Variants in NSD1 observed in about 807,000 individuals in gnomAD.
NSD1 encodes histone-lysine N-methyltransferase, H3 lysine-36 specific.
A neutral mutation model predicts 242.7 loss-of-function variants in NSD1; 26 were observed. The ratio of observed to expected loss-of-function variants is 0.11; its 90% CI spans 0.08 to 0.15. The LOEUF (loss-of-function observed/expected upper bound fraction) is 0.15. NSD1 is among the 10% of genes least tolerant of loss of function. NSD1 has a pLI of 1.00. For missense variants in NSD1, 2,495 were observed against 3,272.8 expected (o/e 0.76, Z 5.80); for synonymous variants, 1,106 against 1,178.1 (o/e 0.94, Z 1.25).
chr5:177,213,798 A>G (rs1581334050), intron 5 of NSD1, among the ~76,000 whole-genome samples: 1 of 152,170 alleles, frequency 6.6e-6, no homozygotes, highest in East Asian at 1.9e-4. Context: ...CAATCTGTAG[A>G]TTTGTCTATT....
At chr5:177,166,375 G>A (rs981272259) in intron 2 of NSD1, among the ~76,000 whole-genome samples, 3 of 151,792 alleles carry the variant, frequency 2.0e-5, no homozygotes, top group Admixed American at 6.6e-5. Context: ...TGGAAAAACC[G>A]TGTCTCTACA....
chr5:177,241,427 C>G (rs894061375), intron 8 of NSD1, among the ~76,000 whole-genome samples: 1 of 151,678 alleles, frequency 6.6e-6, no homozygotes, highest in African/African-American at 2.4e-5. Context: ...ATTGCTGGAA[C>G]CTGGGAGGCA....
chr5:177,265,077 C>A, intron 14 of NSD1: 1 of 754,508 alleles, frequency 1.3e-6, no homozygotes, highest in Non-Finnish European at 2.4e-6. Context: ...AGATAGCTTC[C>A]TGAAACATGT....
intron 17 of NSD1, 138 bp downstream of exon 17, chr5:177,273,922 A>G: frequency 1.5e-6 from 1 of 646,444 alleles, no homozygotes; most frequent in Non-Finnish European, 2.8e-6. Context: ...AAGATCAGAA[A>G]TAGCCGGGCA....
At chr5:177,255,501 A>G in intron 12 of NSD1, among the ~76,000 whole-genome samples, 1 of 152,138 alleles carries the variant, frequency 6.6e-6, no homozygotes, top group East Asian at 1.9e-4. Context: ...TTACCTGTCA[A>G]GCTTAGGCTC....
At position 177,182,984 on chromosome 5, in the gene NSD1, C is replaced by G. The variant is rs115361784; in HGVS notation, c.928-8900C>G. Among the ~76,000 whole-genome samples the G allele has an allele frequency of 5.4e-3, 823 of 152,140 alleles. 6 individuals carry two copies. The highest frequency in any genetic ancestry group is 0.019 in the African/African-American group (777 of 41,514). ...AAAGATGAGGTCTCACTTATATTGCCAAGTATGGTCCTGAAGTCCTAGGCC... is the reference window on the plus strand; with the variant it reads ...AAAGATGAGGTCTCACTTATATTGCGAAGTATGGTCCTGAAGTCCTAGGCC... On this transcript the variant is annotated intron_variant, in intron 2 of 22. Coordinates refer to ENST00000439151, the MANE Select transcript of NSD1 (RefSeq NM_022455.5).
In NSD1 at chr5:177,210,326, G is replaced by A. The variant is rs1763235820; in HGVS notation, c.1927G>A (p.Asp643Asn). 1 of 1,613,908 alleles carries A rather than the reference G, an allele frequency of 6.2e-7. No homozygotes were observed. Among genetic ancestry groups the A allele is most frequent in the African/African-American group, 1.3e-5 (1 of 74,926 alleles). Residue 643 changes from aspartate (D) to asparagine (N), a missense_variant, in exon 5 of 23, where the codon GAT becomes AAT. Asp to Asn is a conservative substitution (Grantham distance 23, BLOSUM62 1). Coordinates refer to ENST00000439151, the MANE Select transcript of NSD1 (RefSeq NM_022455.5). ...SDSISICTTS[D>N]DGSSDLDPIE... ...TTCCATTAGTATCTGTACCACTTCT[G>A]ATGATGGAAGCAGTGACCTGGATCC...
At chr5:177,230,332 T>C (rs531801599) in intron 5 of NSD1, among the ~76,000 whole-genome samples, 1 of 152,182 alleles carries the variant, frequency 6.6e-6, no homozygotes, top group African/African-American at 2.4e-5. Context: ...ATATTTTAGG[T>C]TTTATGAGCC....
chr5:177,279,254 G>C (rs1751559050), intron 17 of NSD1, among the ~76,000 whole-genome samples: 1 of 152,126 alleles, frequency 6.6e-6, no homozygotes, highest in Non-Finnish European at 1.5e-5. Context: ...GACCGAGGCG[G>C]GCAGATCACC....
rs899806858 is a variant in NSD1, at chr5:177,146,252, C to G, written c.927+10222C>G. 2.1e-5 allele frequency among the ~76,000 whole-genome samples: 3 copies of G among 140,194 alleles called. No individual in the cohort carries two copies. In the South Asian group the frequency reaches 6.9e-4, roughly 32 times the overall value. The allele number at this position is 140,194 out of a possible 152,430, so 92.0% of individuals were successfully genotyped here. Reference sequence around the variant, plus strand: ...TCGGAGTCTCCATCTGATGCCCAGGCTAGAGTGCAGTGGCTCAATCTCGGC... The same window carrying G: ...TCGGAGTCTCCATCTGATGCCCAGGGTAGAGTGCAGTGGCTCAATCTCGGC... On this transcript the variant is annotated intron_variant, in intron 2 of 22. Transcript: ENST00000439151.
intron 3 of NSD1, among the ~76,000 whole-genome samples, chr5:177,200,764 A>G (rs1762452799): frequency 1.3e-5 from 2 of 152,184 alleles, no homozygotes; most frequent in South Asian, 2.1e-4. Flanking sequence ...TTTAAAGGCT[A>G]CATAATACGT....
rs1260544167 is a variant in NSD1 at position 177,293,870 on chromosome 5, G to A, written c.6502G>A (p.Gly2168Arg). The change falls in exon 23 of 23, where the codon GGG (glycine) becomes AGG (arginine). Residue 2168 changes from glycine to arginine, a missense_variant. This residue lies in a region of NSD1 where 33 missense variants were observed against 134.8 expected (regional missense o/e 0.24). Coordinates refer to ENST00000439151, the MANE Select transcript of NSD1 (RefSeq NM_022455.5). ...ECPWHQCDIC[G>R]KEAASFCEMC... ...TCCGTGGCATCAGTGTGACATCTGCGGGAAGGAAGCAGCCTCCTTCTGTGA... is the reference window on the plus strand; with the variant it reads ...TCCGTGGCATCAGTGTGACATCTGCAGGAAGGAAGCAGCCTCCTTCTGTGA... 5 of 1,613,900 alleles carry A rather than the reference G, an allele frequency of 3.1e-6. No homozygotes were observed. Among genetic ancestry groups the A allele is most frequent in the East Asian group, 2.2e-5 (1 of 44,880 alleles).
Position 177,158,281 on chromosome 5 carries a change from C to CT in NSD1, c.927+22254dup, listed in dbSNP as rs763165089. 2.9e-3 allele frequency among the ~76,000 whole-genome samples: 294 copies of CT among 102,746 alleles called. 2 individuals carry two copies. The highest frequency in any genetic ancestry group is 3.5e-3 in the Non-Finnish European group (202 of 57,060). The allele number at this position is 102,746 out of a possible 152,430, so 67.4% of individuals were successfully genotyped here. A position where few individuals can be genotyped will look rare whatever the true frequency, so the allele number is the denominator to read the frequency against. Reference sequence around the variant, plus strand: ...TCTTTCTTTCTTTCTTTCTTTCTTTCTTTCTTTCTTTCTTTCTTTCTTTTC... The same window carrying CT: ...TCTTTCTTTCTTTCTTTCTTTCTTTCTTTTCTTTCTTTCTTTCTTTCTTTTC... On this transcript the variant is annotated intron_variant, in intron 2 of 22. Transcript: ENST00000439151.
rs1174250871 is a variant in NSD1, at chr5:177,260,339, C to CTTTT, written c.5146+193_5146+196dup. On this transcript the variant is annotated intron_variant, in intron 14 of 22. Transcript: ENST00000439151. The stretch of plus-strand genomic sequence containing the variant: ...CCGAATTAATGATTACATAGCAGAA[C>CTTTT]TTTTTTTTTTTTTTTTTTTTTTTTT... Among the ~76,000 whole-genome samples the CTTTT allele has an allele frequency of 1.2e-3, 107 of 85,824 alleles. 1 individual carries two copies. Among genetic ancestry groups the CTTTT allele is most frequent in the African/African-American group, 1.4e-3 (30 of 21,354 alleles). The allele number at this position is 85,824 out of a possible 152,430, so 56.3% of individuals were successfully genotyped here. A position where few individuals can be genotyped will look rare whatever the true frequency, so the allele number is the denominator to read the frequency against.
intron 14 of NSD1, chr5:177,266,492 C>T (rs554642161): frequency 3.2e-5 from 20 of 623,088 alleles, no homozygotes; most frequent in African/African-American, 2.6e-4. Flanking sequence ...AAGTAGTAAT[C>T]TTTGGACGTC....
intron 5 of NSD1, among the ~76,000 whole-genome samples, chr5:177,235,012 T>C (rs1401315235): frequency 6.6e-6 from 1 of 152,264 alleles, no homozygotes; most frequent in Non-Finnish European, 1.5e-5. Flanking sequence ...ACTACTGTGC[T>C]GCTTAGCTAC....
At chr5:177,233,099 T>C (rs949769104) in intron 5 of NSD1, among the ~76,000 whole-genome samples, 1 of 152,202 alleles carries the variant, frequency 6.6e-6, no homozygotes, top group African/African-American at 2.4e-5. Flanking sequence ...TTTTTGGAGA[T>C]AGTCTCGCCC....
At chr5:177,265,809 A>AG in intron 14 of NSD1, 1 of 1,392,604 alleles carries the variant, frequency 7.2e-7, no homozygotes. Flanking sequence ...CTCTTGTGGC[A>AG]GTGCGTAAAC....
intron 2 of NSD1, among the ~76,000 whole-genome samples, chr5:177,185,799 A>ATAT (rs1554184225): frequency 1.1e-5 from 1 of 88,458 alleles, no homozygotes; most frequent in Admixed American, 2.0e-4. Flanking sequence ...TTATATATAT[A>ATAT]TATATATAAA....
Sources: gnomAD v4.1 joint callset for allele counts (sites outside exome capture counted in the v4.1 genomes callset) on GRCh38, gnomAD v4.1.1 for gene constraint, gnomAD v4.1.1 regional missense constraint, MANE v1.5 for transcripts, NCBI Gene and HGNC (gene_info 2026-07-23, HGNC 2026-07-21) for gene names.